Variants in CAMK2D observed in about 807,000 individuals in gnomAD.
CAMK2D encodes the protein calcium/calmodulin dependent protein kinase II delta.
CAMK2D carries 37 observed loss-of-function variants against 84.0 expected under a neutral mutation model. The ratio of observed to expected loss-of-function variants is 0.44; its 90% confidence interval spans 0.34 to 0.58. The LOEUF (loss-of-function observed/expected upper bound fraction) is 0.58. Among genes scored for constraint, CAMK2D ranks in the 20% least tolerant of loss-of-function variants. The pLI is 0.02. For missense variants in CAMK2D, 448 were observed against 652.5 expected (o/e 0.69, Z 3.41); for synonymous variants, 202 against 212.5 (o/e 0.95, Z 0.43).
chr4:113,581,078 A>G (rs1219240578), intron 4 of CAMK2D, among the ~76,000 whole-genome samples: 1 of 152,220 alleles, frequency 6.6e-6, no homozygotes, highest in Non-Finnish European at 1.5e-5. Flanking sequence ...AAAAATAAAA[A>G]CAAAAATAAA....
chr4:113,573,080 T>C (rs1487926181), intron 4 of CAMK2D, among the ~76,000 whole-genome samples: 1 of 151,998 alleles, frequency 6.6e-6, no homozygotes, highest in East Asian at 1.9e-4. Context: ...AGAAGAAAAA[T>C]AACTATTGAG....
At chr4:113,498,988 T>A (rs972859721) in intron 16 of CAMK2D, among the ~76,000 whole-genome samples, 2 of 152,186 alleles carry the variant, frequency 1.3e-5, no homozygotes, top group Non-Finnish European at 1.5e-5. Context: ...ATTTAAAGAT[T>A]CAGTTTCTCC....
intron 5 of CAMK2D, among the ~76,000 whole-genome samples, chr4:113,548,055 AC>A (rs2098596366): frequency 6.6e-6 from 1 of 152,040 alleles, no homozygotes; most frequent in South Asian, 2.1e-4. Context: ...TTCCGCCTCC[AC>A]CCCGTCACAT....
chr4:113,697,440 G>T (rs1247537798), intron 2 of CAMK2D, among the ~76,000 whole-genome samples: 1 of 152,042 alleles, frequency 6.6e-6, no homozygotes, highest in African/African-American at 2.4e-5. Flanking sequence ...CCAGGAGTTT[G>T]AATTTGAATG....
intron 14 of CAMK2D, among the ~76,000 whole-genome samples, chr4:113,504,666 G>A (rs965877059): frequency 4.6e-5 from 7 of 152,142 alleles, no homozygotes; most frequent in East Asian, 3.9e-4. Flanking sequence ...CAACCAAAGC[G>A]CTGTATTTTG....
chr4:113,694,200 G>A (rs973570330), intron 2 of CAMK2D, among the ~76,000 whole-genome samples: 2 of 152,048 alleles, frequency 1.3e-5, no homozygotes, highest in African/African-American at 4.8e-5. Flanking sequence ...CAAACTTTAG[G>A]AGTTTCCCTG....
At chr4:113,556,523 T>C (rs576902727) in intron 4 of CAMK2D, among the ~76,000 whole-genome samples, 1 of 152,224 alleles carries the variant, frequency 6.6e-6, no homozygotes, top group East Asian at 1.9e-4. Flanking sequence ...GGCTCATTAG[T>C]AGGAGTGTTA....
At chr4:113,551,723 A>G (rs1442997146) in intron 5 of CAMK2D, among the ~76,000 whole-genome samples, 3 of 152,204 alleles carry the variant, frequency 2.0e-5, no homozygotes, top group Non-Finnish European at 4.4e-5. Flanking sequence ...GAATCTATCT[A>G]GGGATTAGAG....
chr4:113,497,400 A>G (rs898733971), intron 16 of CAMK2D, among the ~76,000 whole-genome samples: 1 of 152,242 alleles, frequency 6.6e-6, no homozygotes, highest in African/African-American at 2.4e-5. Flanking sequence ...GACTGGGGAC[A>G]TGATTTCTCA....
At chr4:113,602,898 ATGTTCAGGTGAC>A (rs1436433442) in intron 4 of CAMK2D, among the ~76,000 whole-genome samples, 1 of 152,238 alleles carries the variant, frequency 6.6e-6, no homozygotes, top group African/African-American at 2.4e-5. Context: ...GCCAACACAT[ATGTTCAGGTGAC>A]TGCCCATGTT....
At chr4:113,606,073 A>T (rs1433941490) in intron 4 of CAMK2D, among the ~76,000 whole-genome samples, 1 of 152,192 alleles carries the variant, frequency 6.6e-6, no homozygotes, top group Non-Finnish European at 1.5e-5. Context: ...AGCACTTATG[A>T]ACACACTTGA....
intron 3 of CAMK2D, among the ~76,000 whole-genome samples, chr4:113,648,143 T>G (rs762480708): frequency 6.6e-6 from 1 of 152,214 alleles, no homozygotes; most frequent in African/African-American, 2.4e-5. Flanking sequence ...ATTGGGGTAG[T>G]TGGATTATTA....
At chr4:113,557,272 G>C (rs2098671475) in intron 4 of CAMK2D, among the ~76,000 whole-genome samples, 2 of 152,146 alleles carry the variant, frequency 1.3e-5, no homozygotes, top group Admixed American at 6.6e-5. Flanking sequence ...TTTGTCACAT[G>C]TCTGCATGAA....
rs192960971 is a variant in CAMK2D at position 113,672,881 on chromosome 4, A to C, written c.161-11109T>G. On this transcript the variant is annotated intron_variant, in intron 2 of 20. Transcript: ENST00000511664. Reference sequence around the variant, plus strand: ...GAAATTGTGTATCCCATGTACCTCAAAAATATGTAAAACTATGACATATCA... The same window carrying C: ...GAAATTGTGTATCCCATGTACCTCACAAATATGTAAAACTATGACATATCA... Among the ~76,000 whole-genome samples the C allele has an allele frequency of 5.3e-5, 8 of 152,328 alleles. No homozygotes were observed. The East Asian group carries it at 1.3e-3, about 26-fold the overall frequency.
At chr4:113,488,346 A>G (rs1448754954) in intron 16 of CAMK2D, among the ~76,000 whole-genome samples, 1 of 152,322 alleles carries the variant, frequency 6.6e-6, no homozygotes, top group East Asian at 1.9e-4. Context: ...ACATAAAGTA[A>G]TATCTATGAA....
chr4:113,587,960 C>A (rs1348508017), intron 4 of CAMK2D, among the ~76,000 whole-genome samples: 2 of 152,044 alleles, frequency 1.3e-5, no homozygotes, highest in African/African-American at 2.4e-5. Flanking sequence ...CAAGAGCAGG[C>A]AGAAAATATT....
chr4:113,463,091 C>A (rs1464681832), intron 17 of CAMK2D, among the ~76,000 whole-genome samples: 1 of 152,136 alleles, frequency 6.6e-6, no homozygotes, highest in African/African-American at 2.4e-5. Context: ...TACACTCATA[C>A]ATAAGTATAT....
chr4:113,468,598 C>T (rs752756991), intron 16 of CAMK2D, among the ~76,000 whole-genome samples: 1 of 152,088 alleles, frequency 6.6e-6, no homozygotes, highest in Admixed American at 6.6e-5. Context: ...AGAGGAAGAG[C>T]GAGGGTTTGG....
intron 15 of CAMK2D, among the ~76,000 whole-genome samples, chr4:113,500,958 T>A (rs1484290527): frequency 1.3e-5 from 2 of 152,124 alleles, no homozygotes; most frequent in African/African-American, 2.4e-5. Flanking sequence ...CGTCAGGCAC[T>A]ATGTTAAGGC....
Sources: gnomAD v4.1 joint callset for allele counts (sites outside exome capture counted in the v4.1 genomes callset) on GRCh38, gnomAD v4.1.1 for gene constraint, MANE v1.5 for transcripts, NCBI Gene and HGNC (gene_info 2026-07-23, HGNC 2026-07-21) for gene names.